NRXN1: variants seen among roughly 807,000 people sequenced by gnomAD.
NRXN1 encodes neurexin 1, also known as neurexin-1.
A neutral mutation model predicts 150.9 loss-of-function variants in NRXN1; 39 were observed. That is an observed-to-expected ratio of 0.26 (90% CI 0.20 to 0.34). The LOEUF is 0.34. Ranked by LOEUF, NRXN1 falls within the 10% of genes least tolerant of loss-of-function variation. NRXN1 has a pLI of 1.00. For missense variants in NRXN1, 1,815 were observed against 1,949.9 expected (o/e 0.93, Z 1.30); for synonymous variants, 924 against 757.0 (o/e 1.22, Z -3.62).
At chr2:50,329,069 T>C (rs900872852) in intron 17 of NRXN1, among the ~76,000 whole-genome samples, 1 of 152,040 alleles carries the variant, frequency 6.6e-6, no homozygotes, top group Non-Finnish European at 1.5e-5. Context: ...AATAGATTGA[T>C]TACAGGAAAA....
chr2:50,103,657 G>T (rs1701270921), intron 18 of NRXN1, among the ~76,000 whole-genome samples: 1 of 152,050 alleles, frequency 6.6e-6, no homozygotes, highest in East Asian at 1.9e-4. Flanking sequence ...TCAAATTCAA[G>T]TAACTCATGG....
chr2:50,760,643 G>A (rs1701698787), intron 5 of NRXN1, among the ~76,000 whole-genome samples: 1 of 151,486 alleles, frequency 6.6e-6, no homozygotes, highest in Non-Finnish European at 1.5e-5. Flanking sequence ...TTAAAAGTCT[G>A]GCAGAATCTC....
chr2:50,174,636 T>C (rs1016855012), intron 18 of NRXN1: 1 of 152,160 alleles, frequency 6.6e-6, no homozygotes, highest in Non-Finnish European at 1.5e-5. Flanking sequence ...TTCTATCACT[T>C]ATTAGCTGTA....
chr2:50,626,918 G>C (rs1681196658), intron 5 of NRXN1, among the ~76,000 whole-genome samples: 1 of 151,460 alleles, frequency 6.6e-6, no homozygotes, highest in African/African-American at 2.4e-5. Flanking sequence ...AACCAATGAA[G>C]AACACACACA....
intron 2 of NRXN1, among the ~76,000 whole-genome samples, chr2:50,929,750 C>T (rs1334516563): frequency 1.3e-5 from 2 of 152,090 alleles, no homozygotes; most frequent in African/African-American, 2.4e-5. Context: ...CTTCTCAAGC[C>T]TGTACTCCTC....
At chr2:50,312,749 C>T (rs747008803) in intron 17 of NRXN1, 30 of 516,972 alleles carry the variant, frequency 5.8e-5, no homozygotes, top group South Asian at 3.9e-4. Context: ...AAGCCAAATA[C>T]ATATGTTGCA....
chr2:50,782,720 G>A (rs1226345437), intron 5 of NRXN1, among the ~76,000 whole-genome samples: 2 of 152,152 alleles, frequency 1.3e-5, no homozygotes, highest in Non-Finnish European at 2.9e-5. Flanking sequence ...AGGGCTGCAT[G>A]GCATTCCTCT....
chr2:50,027,398 C>CT (rs1688517605), intron 21 of NRXN1, among the ~76,000 whole-genome samples: 1 of 149,558 alleles, frequency 6.7e-6, no homozygotes, highest in Non-Finnish European at 1.5e-5. Flanking sequence ...CCCTTCCTTC[C>CT]TTCCTCCCTC....
intron 18 of NRXN1, among the ~76,000 whole-genome samples, chr2:50,173,612 T>G (rs1487380405): frequency 6.6e-6 from 1 of 152,158 alleles, no homozygotes; most frequent in East Asian, 1.9e-4. Context: ...CATGAGGAGG[T>G]AGTACACATC....
chr2:50,178,859 G>T (rs1249899785), intron 18 of NRXN1, among the ~76,000 whole-genome samples: 2 of 152,162 alleles, frequency 1.3e-5, no homozygotes, highest in African/African-American at 4.8e-5. Context: ...AGTAACAGCA[G>T]TAGTTGAAAT....
intron 18 of NRXN1, among the ~76,000 whole-genome samples, chr2:50,196,741 G>A (rs2061793343): frequency 6.6e-6 from 1 of 152,090 alleles, no homozygotes; most frequent in Non-Finnish European, 1.5e-5. Context: ...AAACAAATGA[G>A]ATCATGTCTT....
chr2:50,878,680 C>T (rs1001557620), intron 5 of NRXN1, among the ~76,000 whole-genome samples: 5 of 151,878 alleles, frequency 3.3e-5, no homozygotes, highest in Non-Finnish European at 7.4e-5. Context: ...TTCCCTTATG[C>T]CAACCACAGA....
At chr2:49,933,286 C>T (rs1032709278) in intron 22 of NRXN1, among the ~76,000 whole-genome samples, 5 of 152,012 alleles carry the variant, frequency 3.3e-5, no homozygotes, top group African/African-American at 4.8e-5. Flanking sequence ...AGGGGTTTCA[C>T]CGTGTTAGCC....
chr2:50,389,307 C>A (rs1253597877), intron 17 of NRXN1, among the ~76,000 whole-genome samples: 1 of 148,102 alleles, frequency 6.8e-6, no homozygotes, highest in Admixed American at 6.8e-5. Context: ...CTTCTTTATT[C>A]CTAAAATATG....
intron 18 of NRXN1, among the ~76,000 whole-genome samples, chr2:50,189,208 C>A (rs1037572285): frequency 2.6e-5 from 4 of 152,086 alleles, no homozygotes; most frequent in African/African-American, 9.7e-5. Flanking sequence ...TACTTCATGT[C>A]CTTTCCAGGG....
chr2:50,928,567 T>C (rs1226993123), intron 2 of NRXN1, among the ~76,000 whole-genome samples: 1 of 152,078 alleles, frequency 6.6e-6, no homozygotes, highest in Non-Finnish European at 1.5e-5. Context: ...TACTAAATAA[T>C]AAATGTCGAG....
At chr2:50,623,817 G>C (rs1680498318) in intron 5 of NRXN1, among the ~76,000 whole-genome samples, 1 of 151,930 alleles carries the variant, frequency 6.6e-6, no homozygotes, top group South Asian at 2.1e-4. Context: ...TTAAGTTTTA[G>C]GGTACATGTG....
intron 18 of NRXN1, among the ~76,000 whole-genome samples, chr2:50,158,953 C>CACCT (rs1250217768): frequency 6.6e-6 from 1 of 152,004 alleles, no homozygotes; most frequent in Non-Finnish European, 1.5e-5. Context: ...ATCCAAGGAT[C>CACCT]ACCTACCATT....
chr2:50,753,424 G>T (rs566733186), intron 5 of NRXN1, among the ~76,000 whole-genome samples: 3 of 151,656 alleles, frequency 2.0e-5, no homozygotes, highest in African/African-American at 4.8e-5. Flanking sequence ...CTCCATTACG[G>T]CCAACACAGA....
Sources: allele counts gnomAD v4.1 joint callset (sites outside exome capture counted in the v4.1 genomes callset), GRCh38; gene constraint gnomAD v4.1.1; transcripts MANE v1.5; gene names NCBI Gene and HGNC (gene_info 2026-07-23, HGNC 2026-07-21).